Variants in NCAM2 observed in about 807,000 individuals in gnomAD.
NCAM2 encodes the protein N-CAM-2.
A neutral mutation model predicts 98.1 loss-of-function variants in NCAM2; 30 were observed. The ratio of observed to expected loss-of-function variants is 0.31; its 90% confidence interval spans 0.23 to 0.41. The LOEUF (loss-of-function observed/expected upper bound fraction) is 0.41, where lower values mean the gene tolerates loss of function less well. Ranked by LOEUF, NCAM2 falls within the 10% of genes least tolerant of loss-of-function variation. NCAM2 has a pLI of 1.00. For synonymous variants in NCAM2, 368 were observed against 342.4 expected (o/e 1.07, Z -0.83); for missense variants, 867 against 1,005.8 (o/e 0.86, Z 1.87).
chr21:21,479,279 T>C (rs950847827), intron 15 of NCAM2, among the ~76,000 whole-genome samples: 3 of 151,988 alleles, frequency 2.0e-5, no homozygotes, highest in Non-Finnish European at 2.9e-5. Context: ...CCAATGACTC[T>C]GCTATCTTTG....
intron 1 of NCAM2, among the ~76,000 whole-genome samples, chr21:21,171,625 G>C (rs1359381021): frequency 6.6e-6 from 1 of 152,116 alleles, no homozygotes; most frequent in Non-Finnish European, 1.5e-5. Flanking sequence ...CGAGGGCACT[G>C]AGTTTTGAAG....
intron 1 of NCAM2, among the ~76,000 whole-genome samples, chr21:21,198,182 ATATGTG>A (rs1280424265): frequency 1.5e-3 from 159 of 107,144 alleles, no homozygotes; most frequent in African/African-American, 4.8e-3. Flanking sequence ...TATGTAAAGT[ATATGTG>A]TGTGTGTGTG....
At chr21:21,252,357 T>G (rs1393063280) in intron 1 of NCAM2, among the ~76,000 whole-genome samples, 1 of 150,448 alleles carries the variant, frequency 6.6e-6, no homozygotes, top group Non-Finnish European at 1.5e-5. Context: ...AATATAATCT[T>G]TATTATATAA....
At chr21:21,097,550 A>G (rs926079274) in intron 1 of NCAM2, among the ~76,000 whole-genome samples, 4 of 151,634 alleles carry the variant, frequency 2.6e-5, no homozygotes, top group Non-Finnish European at 5.9e-5. Flanking sequence ...GACTTGCTAT[A>G]TTTTATAACT....
rs1418105577 is a variant in NCAM2 at position 21,280,602 on chromosome 21, T to C, written c.80T>C (p.Leu27Pro). 4 of 1,600,016 alleles carry C rather than the reference T, an allele frequency of 2.5e-6. No individual in the cohort carries two copies. Among genetic ancestry groups the C allele is most frequent in the African/African-American group, 1.3e-5 (1 of 74,302 alleles). Residue 27 changes from leucine (L) to proline (P), a missense_variant, in exon 2 of 18, where the codon CTT becomes CCT. Leu to Pro is a moderately conservative substitution (Grantham distance 98). Around this residue, in one of 5 missense-constraint regions of NCAM2, gnomAD observed 447 missense variants for 495.7 expected, o/e 0.90. Transcript: ENST00000400546. ...GCTCTTCTTCAAGTGACAATTTCACTTAGCAAAGTAGAGCTTAGTGTTGGA... is the reference window on the plus strand; with the variant it reads ...GCTCTTCTTCAAGTGACAATTTCACCTAGCAAAGTAGAGCTTAGTGTTGGA... ...GQALLQVTIS[L>P]SKVELSVGES...
At chr21:21,039,825 G>T (rs62209000) in intron 1 of NCAM2, among the ~76,000 whole-genome samples, 15,825 of 152,146 alleles carry the variant, frequency 0.1, 1,020 homozygotes, top group Middle Eastern at 0.14. Context: ...AGGATTGCTT[G>T]TTGATACCTA....
chr21:21,144,185 T>C (rs2067226814), intron 1 of NCAM2, among the ~76,000 whole-genome samples: 1 of 151,696 alleles, frequency 6.6e-6, no homozygotes, highest in Non-Finnish European at 1.5e-5. Context: ...CCATCTCCAC[T>C]AAAAATATAA....
At chr21:21,145,920 T>C (rs1490599239) in intron 1 of NCAM2, among the ~76,000 whole-genome samples, 3 of 152,090 alleles carry the variant, frequency 2.0e-5, no homozygotes, top group African/African-American at 7.2e-5. Context: ...TGTGATTTAA[T>C]TTGCCCGAAG....
rs560589267 is a variant in NCAM2, at chr21:21,219,473, A to G, written c.56-61105A>G. Among the ~76,000 whole-genome samples the G allele has an allele frequency of 8.5e-5, 13 of 152,352 alleles. No individual in the cohort carries two copies. The South Asian group carries it at 1.2e-3, about 15-fold the overall frequency. On this transcript the variant is annotated intron_variant, in intron 1 of 17. Transcript: ENST00000400546. ...GACTATAATGGAATGAAAATTTCCT[A>G]TCACCTAGTGACATTGTAGACTTTA...
intron 15 of NCAM2, among the ~76,000 whole-genome samples, chr21:21,482,139 C>T (rs992588537): frequency 6.6e-6 from 1 of 151,902 alleles, no homozygotes; most frequent in African/African-American, 2.4e-5. Context: ...TTTACTGTTA[C>T]TGAATCCGGA....
At chr21:21,294,378 G>A (rs893245942) in intron 5 of NCAM2, among the ~76,000 whole-genome samples, 1 of 151,732 alleles carries the variant, frequency 6.6e-6, no homozygotes, top group Non-Finnish European at 1.5e-5. Flanking sequence ...ACAAATATAG[G>A]AATATGTTTT....
intron 1 of NCAM2, among the ~76,000 whole-genome samples, chr21:21,005,935 T>C (rs1441264372): frequency 6.6e-6 from 1 of 152,218 alleles, no homozygotes; most frequent in Non-Finnish European, 1.5e-5. Context: ...GCACCTCTTC[T>C]ATGCCAGAGA....
At chr21:21,198,890 A>G (rs2069107395) in intron 1 of NCAM2, among the ~76,000 whole-genome samples, 1 of 152,148 alleles carries the variant, frequency 6.6e-6, no homozygotes, top group Non-Finnish European at 1.5e-5. Flanking sequence ...GATCAAATAA[A>G]AGGATGCAAA....
chr21:21,338,650 T>C (rs1365844329), intron 8 of NCAM2, 116 bp downstream of exon 8: 5 of 1,112,956 alleles, frequency 4.5e-6, no homozygotes, highest in Non-Finnish European at 6.2e-6. Context: ...ATCAAATAAA[T>C]GGTTTGATTT....
intron 1 of NCAM2, among the ~76,000 whole-genome samples, chr21:21,001,836 G>A (rs999886794): frequency 6.6e-6 from 1 of 152,178 alleles, no homozygotes; most frequent in Non-Finnish European, 1.5e-5. Context: ...ATCAGTTAAA[G>A]CAGTCATCTG....
chr21:21,341,884 T>C (rs146967224), intron 8 of NCAM2, among the ~76,000 whole-genome samples: 1 of 152,246 alleles, frequency 6.6e-6, no homozygotes, highest in African/African-American at 2.4e-5. Flanking sequence ...CTCCCCTGTG[T>C]GAGAAGACAT....
At chr21:21,340,503 A>G (rs888559968) in intron 8 of NCAM2, among the ~76,000 whole-genome samples, 1 of 152,004 alleles carries the variant, frequency 6.6e-6, no homozygotes, top group African/African-American at 2.4e-5. Context: ...TAAGGAGTAT[A>G]TTAAAAAACA....
At chr21:21,162,476 T>C (rs1188943209) in intron 1 of NCAM2, among the ~76,000 whole-genome samples, 4 of 152,126 alleles carry the variant, frequency 2.6e-5, no homozygotes, top group African/African-American at 9.6e-5. Flanking sequence ...AATACCAGTT[T>C]AGCAAATTAC....
intron 15 of NCAM2, among the ~76,000 whole-genome samples, chr21:21,497,257 T>C (rs1046172248): frequency 1.1e-4 from 17 of 152,198 alleles, no homozygotes; most frequent in South Asian, 6.2e-4. Flanking sequence ...AGCTGTGTGC[T>C]CGCTATCAGG....
Sources: gnomAD v4.1 joint callset for allele counts (sites outside exome capture counted in the v4.1 genomes callset) on GRCh38, gnomAD v4.1.1 for gene constraint, gnomAD v4.1.1 regional missense constraint, MANE v1.5 for transcripts, NCBI Gene and HGNC (gene_info 2026-07-23, HGNC 2026-07-21) for gene names.